The following FBXL13 variants were observed in gnomAD, a reference collection of about 807,000 sequenced individuals.
FBXL13 encodes the protein F-box and leucine rich repeat protein 13.
FBXL13 carries 67 observed loss-of-function variants against 83.6 expected under a neutral mutation model. The observed-to-expected ratio is 0.80, with a 90% CI of 0.66 to 0.98. The LOEUF is 0.98. FBXL13 is among the 50% of genes least tolerant of loss of function. The pLI, the probability that FBXL13 is intolerant of heterozygous loss-of-function variation, is 0.00. For synonymous variants in FBXL13, 272 were observed against 299.5 expected (o/e 0.91, Z 0.95); for missense variants, 822 against 866.5 (o/e 0.95, Z 0.64).
chr7:102,979,909 T>G (rs1827974466), intron 6 of FBXL13, among the ~76,000 whole-genome samples: 1 of 152,120 alleles, frequency 6.6e-6, no homozygotes, highest in South Asian at 2.1e-4. Flanking sequence ...ATAACAGAAA[T>G]TGAATCAGAA....
intron 14 of FBXL13, 60 bp downstream of exon 15, chr7:102,883,245 G>C: frequency 4.7e-6 from 7 of 1,481,334 alleles, no homozygotes; most frequent in Non-Finnish European, 6.4e-6. Flanking sequence ...CCTTAGGAGA[G>C]AACCTGGCAC....
intron 5 of FBXL13, among the ~76,000 whole-genome samples, chr7:103,026,345 A>T (rs1793915474): frequency 6.6e-6 from 1 of 151,888 alleles, no homozygotes; most frequent in South Asian, 2.1e-4. Flanking sequence ...GGGGTGTATA[A>T]GGGGGGACTG....
chr7:102,859,746 C>G (rs765261327), intron 16 of FBXL13, among the ~76,000 whole-genome samples: 1 of 152,284 alleles, frequency 6.6e-6, no homozygotes, highest in African/African-American at 2.4e-5. Context: ...CATCCTTGGT[C>G]TCCCTCATAA....
intron 6 of FBXL13, among the ~76,000 whole-genome samples, chr7:103,004,651 T>A (rs1014523319): frequency 6.6e-6 from 1 of 152,172 alleles, no homozygotes; most frequent in Non-Finnish European, 1.5e-5. Flanking sequence ...TCAATTTCAC[T>A]TTTTCCAGTG....
At chr7:102,970,626 C>G (rs1254613243) in intron 6 of FBXL13, among the ~76,000 whole-genome samples, 1 of 152,134 alleles carries the variant, frequency 6.6e-6, no homozygotes, top group African/African-American at 2.4e-5. Context: ...CAATCAAAAA[C>G]TGCAAAACAC....
At chr7:102,962,818 T>G (rs1585151388) in intron 8 of FBXL13, among the ~76,000 whole-genome samples, 1 of 140,652 alleles carries the variant, frequency 7.1e-6, no homozygotes, top group Non-Finnish European at 1.5e-5. Flanking sequence ...AATATCACAC[T>G]CTGGGGACTG....
At chr7:102,968,056 A>G (rs1826185734) in exon 7 of FBXL13, 2 of 1,614,012 alleles carry the variant, frequency 1.2e-6, no homozygotes, top group African/African-American at 2.7e-5. Flanking sequence ...TGTCATCAAC[A>G]TCCAGGCATG....
intron 10 of FBXL13, among the ~76,000 whole-genome samples, chr7:102,923,783 C>G (rs1817546928): frequency 1.3e-5 from 2 of 151,634 alleles, no homozygotes; most frequent in Admixed American, 1.3e-4. Context: ...CAAGATTGCA[C>G]CACTGTACTC....
intron 6 of FBXL13, among the ~76,000 whole-genome samples, chr7:102,980,758 C>G (rs1237412726): frequency 1.3e-5 from 2 of 150,966 alleles, no homozygotes; most frequent in Non-Finnish European, 2.9e-5. Flanking sequence ...GCCTGGGCGA[C>G]AGAGCGAGAC....
intron 8 of FBXL13, among the ~76,000 whole-genome samples, chr7:102,961,783 A>G (rs1825255050): frequency 7.3e-6 from 1 of 137,368 alleles, no homozygotes. Context: ...GGCTAGCCAT[A>G]TGTAGAAAGC....
At chr7:102,982,788 T>A (rs1175388421) in intron 6 of FBXL13, among the ~76,000 whole-genome samples, 1 of 152,176 alleles carries the variant, frequency 6.6e-6, no homozygotes, top group African/African-American at 2.4e-5. Flanking sequence ...CTTTATAAAT[T>A]ACCCACCCAG....
At chr7:102,913,058 G>T (rs11557393) in intron 11 of FBXL13, 28 bp downstream of exon 12, 4 of 1,613,568 alleles carry the variant, frequency 2.5e-6, no homozygotes, top group Non-Finnish European at 3.4e-6. Context: ...CTCACACACC[G>T]CAGCAAAGAG....
At chr7:102,855,147 A>G (rs772654274) in intron 16 of FBXL13, among the ~76,000 whole-genome samples, 1 of 152,236 alleles carries the variant, frequency 6.6e-6, no homozygotes, top group Non-Finnish European at 1.5e-5. Flanking sequence ...ACTTGTTTCC[A>G]GATAAATGTT....
intron 2 of FBXL13, among the ~76,000 whole-genome samples, chr7:103,050,339 G>C (rs1045638942): frequency 1.3e-5 from 2 of 152,124 alleles, no homozygotes; most frequent in African/African-American, 2.4e-5. Context: ...CCCTTTCCCT[G>C]AGCAGCCCTA....
intron 11 of FBXL13, among the ~76,000 whole-genome samples, chr7:102,912,671 A>G (rs1174142919): frequency 1.4e-5 from 1 of 73,626 alleles, no homozygotes; most frequent in African/African-American, 4.4e-5. Context: ...ATAGCATTTT[A>G]CCCCCCCCCC....
At chr7:102,995,519 T>C (rs968060261) in intron 6 of FBXL13, among the ~76,000 whole-genome samples, 3 of 136,986 alleles carry the variant, frequency 2.2e-5, no homozygotes, top group Admixed American at 7.7e-5. Context: ...CCGGGCACAG[T>C]GGCTCACGCC....
chr7:103,036,178 C>G (rs1475130062), intron 2 of FBXL13, among the ~76,000 whole-genome samples: 2 of 152,092 alleles, frequency 1.3e-5, no homozygotes, highest in Non-Finnish European at 2.9e-5. Context: ...CTTAAATCAC[C>G]CCCACCACCC....
intron 8 of FBXL13, among the ~76,000 whole-genome samples, chr7:102,959,494 A>C (rs565334990): frequency 5.6e-4 from 85 of 152,124 alleles, no homozygotes; most frequent in Non-Finnish European, 1.1e-3. Context: ...TTGCAAATTG[A>C]AAAGTTATAT....
intron 8 of FBXL13, among the ~76,000 whole-genome samples, chr7:102,952,153 G>C (rs1220146142): frequency 6.6e-6 from 1 of 152,130 alleles, no homozygotes; most frequent in Non-Finnish European, 1.5e-5. Flanking sequence ...AATTCATAGA[G>C]ATGGAAAGAA....
Sources: gnomAD v4.1 joint callset for allele counts (sites outside exome capture counted in the v4.1 genomes callset) on GRCh38, gnomAD v4.1.1 for gene constraint, MANE v1.5 for transcripts, NCBI Gene and HGNC (gene_info 2026-07-23, HGNC 2026-07-21) for gene names.